Variants in ABCC1 observed in about 807,000 individuals in gnomAD.
ABCC1 encodes the protein ATP binding cassette subfamily C member 1 (ABCC1 blood group).
Under a neutral mutation model 172.9 loss-of-function variants are expected in ABCC1, and 83 were observed. The ratio of observed to expected loss-of-function variants is 0.48; its 90% CI spans 0.40 to 0.58. The LOEUF (loss-of-function observed/expected upper bound fraction) is 0.58. ABCC1 is among the 20% of genes least tolerant of loss of function. The pLI is 0.00. For missense variants in ABCC1, 1,817 were observed against 2,002.7 expected (o/e 0.91, Z 1.77); for synonymous variants, 937 against 825.2 (o/e 1.14, Z -2.32).
At chr16:15,984,749 A>G (rs1037780743) in intron 1 of ABCC1, among the ~76,000 whole-genome samples, 3 of 152,100 alleles carry the variant, frequency 2.0e-5, no homozygotes, top group African/African-American at 4.8e-5. Flanking sequence ...CGGCCTATAT[A>G]TGTATTATAT....
chr16:16,031,048 C>T (rs1429895690), intron 5 of ABCC1, among the ~76,000 whole-genome samples: 3 of 152,158 alleles, frequency 2.0e-5, no homozygotes, highest in Admixed American at 6.5e-5. Flanking sequence ...GAGGTTTCAT[C>T]ATGTTGCCTA....
intron 20 of ABCC1, chr16:16,105,507 G>T (rs964472651): frequency 1.3e-5 from 2 of 152,284 alleles, no homozygotes; most frequent in Non-Finnish European, 2.9e-5. Context: ...AAGAGGGGAG[G>T]TGGTGGAGGT....
chr16:16,091,169 T>C (rs1020322363), intron 19 of ABCC1, among the ~76,000 whole-genome samples: 1 of 151,910 alleles, frequency 6.6e-6, no homozygotes, highest in Non-Finnish European at 1.5e-5. Flanking sequence ...TTCCCAGCAC[T>C]TGTAATCCCA....
At chr16:16,045,338 C>T (rs368879218) in intron 8 of ABCC1, among the ~76,000 whole-genome samples, 1 of 132,842 alleles carries the variant, frequency 7.5e-6, no homozygotes, top group Admixed American at 8.8e-5. Context: ...GCAGAGGTTA[C>T]AGCAAGCTGA....
intron 17 of ABCC1, among the ~76,000 whole-genome samples, chr16:16,085,229 A>T (rs1220782716): frequency 6.6e-6 from 1 of 152,004 alleles, no homozygotes; most frequent in African/African-American, 2.4e-5. Context: ...GCTGCTTCAC[A>T]GCAACCCCCA....
At chr16:15,973,355 G>A (rs141727038) in intron 1 of ABCC1, among the ~76,000 whole-genome samples, 213 of 152,210 alleles carry the variant, frequency 1.4e-3, no homozygotes, top group African/African-American at 4.8e-3. Flanking sequence ...TGGCTGTCAC[G>A]ATGGGGCAGG....
chr16:16,122,243 C>A, intron 24 of ABCC1, 69 bp downstream of exon 24: 2 of 1,548,440 alleles, frequency 1.3e-6, no homozygotes, highest in Non-Finnish European at 1.8e-6. Flanking sequence ...TTGCCTCGAT[C>A]TTTTCCTCGC....
intron 1 of ABCC1, among the ~76,000 whole-genome samples, chr16:15,990,140 T>C (rs1182766535): frequency 6.6e-6 from 1 of 152,050 alleles, no homozygotes; most frequent in Non-Finnish European, 1.5e-5. Context: ...CTGCAGTCTC[T>C]GTCTTTCAGG....
chr16:15,955,065 G>A (rs2045959561), intron 1 of ABCC1, among the ~76,000 whole-genome samples: 1 of 152,130 alleles, frequency 6.6e-6, no homozygotes, highest in African/African-American at 2.4e-5. Context: ...GATTTGAACA[G>A]TCACCTCAGT....
rs897228018 is a variant in ABCC1, at chr16:16,131,922, A to G, written c.3953A>G (p.Asn1318Ser). The G allele has an allele frequency of 6.2e-6, 10 of 1,613,782 alleles. No homozygotes were observed. Among genetic ancestry groups the G allele is most frequent in the African/African-American group, 5.3e-5 (4 of 74,900 alleles). ...CTCAGGCACATCAATGTCACGATCA[A>G]TGGGGGAGAAAAGGTGGGTACACAT... ...FVLRHINVTI[N>S]GGEKVGIVGR... The change falls in exon 27 of 31, where the codon AAT (asparagine) becomes AGT (serine). Residue 1318 changes from asparagine to serine, a missense_variant. This residue lies in a region of ABCC1 where 1,412 missense variants were observed against 1,600.3 expected (regional missense o/e 0.88). Coordinates refer to ENST00000399410, the MANE Select transcript of ABCC1 (RefSeq NM_004996.4).
At chr16:15,981,293 A>G (rs754879487) in intron 1 of ABCC1, among the ~76,000 whole-genome samples, 11 of 152,226 alleles carry the variant, frequency 7.2e-5, no homozygotes, top group Non-Finnish European at 1.2e-4. Context: ...CAGTGTCCCA[A>G]TGGGGACTGT....
intron 3 of ABCC1, among the ~76,000 whole-genome samples, chr16:16,013,395 C>T (rs1257178215): frequency 6.6e-6 from 1 of 152,030 alleles, no homozygotes; most frequent in Non-Finnish European, 1.5e-5. Flanking sequence ...CTCAGCTTCC[C>T]AGCTAGCTGT....
intron 16 of ABCC1, among the ~76,000 whole-genome samples, chr16:16,082,966 G>A (rs1046995609): frequency 3.9e-5 from 6 of 152,156 alleles, no homozygotes; most frequent in Non-Finnish European, 7.3e-5. Context: ...CTCTTAAAAA[G>A]TGTCATATAT....
chr16:16,024,177 C>T (rs1025046038), intron 5 of ABCC1, among the ~76,000 whole-genome samples: 2 of 152,202 alleles, frequency 1.3e-5, no homozygotes, highest in Admixed American at 1.3e-4. Flanking sequence ...CGAGATCGCG[C>T]CACTGTACTC....
At chr16:16,103,175 C>G (rs927150287) in intron 20 of ABCC1, among the ~76,000 whole-genome samples, 3 of 152,030 alleles carry the variant, frequency 2.0e-5, no homozygotes, top group Non-Finnish European at 4.4e-5. Context: ...CATAGCAAGA[C>G]CTCATCTCTA....
chr16:16,086,056 A>G (rs2050992996), intron 17 of ABCC1, among the ~76,000 whole-genome samples: 1 of 152,036 alleles, frequency 6.6e-6, no homozygotes, highest in South Asian at 2.1e-4. Flanking sequence ...GATCCAGAGT[A>G]AGCTGGCAAA....
intron 5 of ABCC1, among the ~76,000 whole-genome samples, chr16:16,017,242 T>C (rs892464961): frequency 1.3e-5 from 2 of 152,270 alleles, no homozygotes; most frequent in Non-Finnish European, 2.9e-5. Flanking sequence ...CTTTTCTTCT[T>C]TTTTTTGAGA....
chr16:16,098,591 C>T (rs2051585860), intron 19 of ABCC1, among the ~76,000 whole-genome samples: 2 of 152,358 alleles, frequency 1.3e-5, no homozygotes, highest in East Asian at 3.9e-4. Context: ...TTCCCTCCAG[C>T]CTGGGCTAAA....
intron 1 of ABCC1, among the ~76,000 whole-genome samples, chr16:15,997,800 G>A (rs1210796321): frequency 1.4e-5 from 2 of 143,926 alleles, no homozygotes; most frequent in Non-Finnish European, 3.0e-5. Flanking sequence ...AGGAGGCCTC[G>A]ATACCTTTTT....
Sources: gnomAD v4.1 joint callset for allele counts (sites outside exome capture counted in the v4.1 genomes callset) on GRCh38, gnomAD v4.1.1 for gene constraint, gnomAD v4.1.1 regional missense constraint, MANE v1.5 for transcripts, NCBI Gene and HGNC (gene_info 2026-07-23, HGNC 2026-07-21) for gene names.